Variants in RPH3A observed in about 807,000 individuals in gnomAD.
RPH3A encodes the protein rabphilin-3A.
A neutral mutation model predicts 102.2 loss-of-function variants in RPH3A; 48 were observed. The observed-to-expected ratio is 0.47, with a 90% confidence interval of 0.37 to 0.60. RPH3A has a LOEUF of 0.60. Among genes scored for constraint, RPH3A ranks in the 20% least tolerant of loss-of-function variants. The probability of loss-of-function intolerance (pLI) is 0.00; values close to 1 mark genes in which losing one functional copy is unlikely to be tolerated. For synonymous variants in RPH3A, 310 were observed against 324.3 expected (o/e 0.96, Z 0.47); for missense variants, 781 against 910.1 (o/e 0.86, Z 1.83).
chr12:112,734,370 C>A lies in RPH3A; in HGVS notation c.-139-57773C>A, dbSNP rs2040654163. Among the ~76,000 whole-genome samples, 4 of 152,308 alleles carry A rather than the reference C, an allele frequency of 2.6e-5. No homozygotes were observed. The South Asian group carries it at 8.3e-4, about 32-fold the overall frequency. On this transcript the variant is annotated intron_variant, in intron 1 of 21. Coordinates refer to the RPH3A transcript ENST00000543106. ...GTGTGAATACACTCTATGATGTTCA[C>A]ACAATGACCAAATTGCCTGAGAGCA...
chr12:112,589,020 G>T (rs888389026), intron 1 of RPH3A, among the ~76,000 whole-genome samples: 1 of 152,122 alleles, frequency 6.6e-6, no homozygotes, highest in Non-Finnish European at 1.5e-5. Context: ...GGGGGAAGGG[G>T]GGAGAGTGTT....
chr12:112,882,869 GA>G (rs1319452013), intron 15 of RPH3A, among the ~76,000 whole-genome samples: 1 of 152,194 alleles, frequency 6.6e-6, no homozygotes, highest in African/African-American at 2.4e-5. Flanking sequence ...AGAGTAAAAT[GA>G]AAAATGTTGG....
At chr12:112,891,811 T>C (rs1412926859) in intron 19 of RPH3A, among the ~76,000 whole-genome samples, 2 of 152,220 alleles carry the variant, frequency 1.3e-5, no homozygotes, top group East Asian at 3.9e-4. Flanking sequence ...GTCATGGACT[T>C]CCAAGCACTG....
At chr12:112,789,475 A>G (rs1290237525), upstream of RPH3A, among the ~76,000 whole-genome samples, 2 of 152,222 alleles carry the variant, frequency 1.3e-5, no homozygotes, top group African/African-American at 4.8e-5. Flanking sequence ...ATCATACGAC[A>G]CTGAGTTTGA....
chr12:112,661,003 C>T (rs2040044921), intron 1 of RPH3A, among the ~76,000 whole-genome samples: 2 of 152,162 alleles, frequency 1.3e-5, no homozygotes, highest in South Asian at 2.1e-4. Flanking sequence ...TGCCTTCATT[C>T]CATCACGGGC....
intron 1 of RPH3A, among the ~76,000 whole-genome samples, chr12:112,782,280 G>A (rs948689159): frequency 3.3e-5 from 5 of 152,214 alleles, no homozygotes; most frequent in African/African-American, 9.6e-5. Context: ...ATTAATTTTA[G>A]GATCTATTTT....
At chr12:112,629,819 C>T (rs1357994390) in intron 1 of RPH3A, among the ~76,000 whole-genome samples, 1 of 151,820 alleles carries the variant, frequency 6.6e-6, no homozygotes, top group Admixed American at 6.6e-5. Context: ...TTTATCAAGC[C>T]CTTATGCACT....
chr12:112,768,846 C>A (rs989713603), intron 1 of RPH3A, among the ~76,000 whole-genome samples: 1 of 152,052 alleles, frequency 6.6e-6, no homozygotes, highest in Admixed American at 6.6e-5. Context: ...CAGGGATTTG[C>A]GGCTGCAGTG....
intron 1 of RPH3A, among the ~76,000 whole-genome samples, chr12:112,746,286 T>A (rs2040745085): frequency 6.6e-6 from 1 of 152,150 alleles, no homozygotes; most frequent in African/African-American, 2.4e-5. Flanking sequence ...ATTAAATGCA[T>A]GATCACACAC....
At chr12:112,803,165 G>A (rs2041386872) in intron 2 of RPH3A, among the ~76,000 whole-genome samples, 3 of 152,158 alleles carry the variant, frequency 2.0e-5, no homozygotes, top group African/African-American at 7.2e-5. Context: ...GCAGCCCCAG[G>A]TCTCCACAGC....
At position 112,869,875 on chromosome 12, in the gene RPH3A, T is replaced by C; in HGVS notation, c.650-18T>C. On this transcript the variant is annotated intron_variant, in intron 9 of 21. Transcript: ENST00000389385. ...CCTCGATGCCCTTTCTCTACTCAAT[T>C]CATGCTCTTCTTTCCAGGCCCTGAC... is the stretch of plus-strand genomic sequence containing the variant. 1 of 1,614,072 alleles carries C rather than the reference T, an allele frequency of 6.2e-7. No individual in the cohort carries two copies. Among genetic ancestry groups the C allele is most frequent in the Non-Finnish European group, 8.5e-7 (1 of 1,179,974 alleles).
Position 112,883,321 on chromosome 12 carries a change from G to C in RPH3A, c.1355G>C (p.Arg452Pro). The change falls in exon 16 of 22, where the codon CGG (arginine) becomes CCG (proline). Residue 452 changes from arginine to proline, a missense_variant. Physicochemically the swap from Arg to Pro is moderately radical, Grantham distance 103. Coordinates refer to ENST00000389385, the MANE Select transcript of RPH3A (RefSeq NM_001143854.2). ...KSNKLRTKTL[R>P]NTRNPIWNET... is the part of the protein sequence containing the mutation. ...AACAAGCTTCGTACAAAAACTCTGC[G>C]GAATACCCGGAACCCCATCTGGAAT... 1 of 1,614,048 alleles carries C rather than the reference G, an allele frequency of 6.2e-7. No homozygotes were observed. The highest frequency in any genetic ancestry group is 1.6e-4 in the Middle Eastern group (1 of 6,062).
At chr12:112,597,518 G>T (rs944447849) in intron 1 of RPH3A, among the ~76,000 whole-genome samples, 1 of 152,168 alleles carries the variant, frequency 6.6e-6, no homozygotes, top group African/African-American at 2.4e-5. Flanking sequence ...GATCACCTGC[G>T]TCTGGGAGGT....
At chr12:112,589,995 AT>A (rs1204125277) in intron 1 of RPH3A, among the ~76,000 whole-genome samples, 1 of 151,836 alleles carries the variant, frequency 6.6e-6, no homozygotes, top group Non-Finnish European at 1.5e-5. Flanking sequence ...AGGCAGGAGG[AT>A]CGCTTGAACC....
At chr12:112,670,763 A>G (rs2040122583) in intron 1 of RPH3A, among the ~76,000 whole-genome samples, 1 of 152,210 alleles carries the variant, frequency 6.6e-6, no homozygotes, top group Non-Finnish European at 1.5e-5. Context: ...GTTCTCAGTG[A>G]CAGTTCTCAA....
In RPH3A at chr12:112,894,597, G is replaced by A. The variant is rs779556406; in HGVS notation, c.1795G>A (p.Gly599Arg). The change falls in exon 20 of 22, where the codon GGA (glycine) becomes AGA (arginine). Residue 599 changes from glycine to arginine, a missense_variant. By Grantham distance (125) the Gly-to-Arg change is moderately radical (BLOSUM62 -2). Around this residue, in one of 2 missense-constraint regions of RPH3A, gnomAD observed 730 missense variants for 810.0 expected, o/e 0.90. Coordinates refer to ENST00000389385, the MANE Select transcript of RPH3A (RefSeq NM_001143854.2). ...TCCCAGCTGGCTGAAACCGGACATG[G>A]GAAAGAAGGCCAAACACAAGACTCA... The part of the protein sequence containing the change: ...FVKLWLKPDM[G>R]KKAKHKTQIK... The A allele has an allele frequency of 3.1e-6, 5 of 1,613,846 alleles. No homozygotes were observed. The highest frequency in any genetic ancestry group is 4.2e-6 in the Non-Finnish European group (5 of 1,179,928).
chr12:112,584,303 G>A (rs893339726), intron 1 of RPH3A, among the ~76,000 whole-genome samples: 11 of 152,130 alleles, frequency 7.2e-5, no homozygotes, highest in African/African-American at 2.7e-4. Context: ...AAGAGCAGGA[G>A]CAAGGGAACC....
At chr12:112,602,327 C>T (rs776820407) in intron 1 of RPH3A, among the ~76,000 whole-genome samples, 3 of 152,118 alleles carry the variant, frequency 2.0e-5, no homozygotes, top group Non-Finnish European at 2.9e-5. Flanking sequence ...CTAAGAAAGC[C>T]TGCCGCCCAG....
rs1047180064 is a variant in RPH3A, at chr12:112,682,091, T to C, written c.-140+106772T>C. 2.0e-5 allele frequency among the ~76,000 whole-genome samples: 3 copies of C among 152,210 alleles called. No homozygotes were observed. The East Asian group carries it at 5.8e-4, about 29-fold the overall frequency. ...AGTTTCTTTTTCTTGTTCAGGTGAA[T>C]GTAGGTTGTATTAATCAAGATTCTT... On this transcript the variant is annotated intron_variant, in intron 1 of 21. Coordinates refer to the RPH3A transcript ENST00000543106.
Sources: allele counts gnomAD v4.1 joint callset (sites outside exome capture counted in the v4.1 genomes callset), GRCh38; gene constraint gnomAD v4.1.1; regional missense constraint gnomAD v4.1.1; transcripts MANE v1.5; gene names NCBI Gene and HGNC (gene_info 2026-07-23, HGNC 2026-07-21).